Variants in UNC5B observed in about 807,000 individuals in gnomAD.
UNC5B encodes the protein unc-5 netrin receptor B.
UNC5B carries 56 observed loss-of-function variants against 103.7 expected under a neutral mutation model. The observed-to-expected ratio is 0.54, with a 90% CI of 0.44 to 0.67. UNC5B has a LOEUF of 0.67. Ranked by LOEUF, UNC5B falls within the 30% of genes least tolerant of loss-of-function variation. UNC5B has a pLI of 0.00. For missense variants in UNC5B, 1,194 were observed against 1,284.5 expected (o/e 0.93, Z 1.08); for synonymous variants, 577 against 542.0 (o/e 1.06, Z -0.90).
At chr10:71,251,618 A>T (rs547637439) in intron 1 of UNC5B, among the ~76,000 whole-genome samples, 13 of 152,252 alleles carry the variant, frequency 8.5e-5, no homozygotes, top group South Asian at 2.1e-4. Context: ...GTCTCTGGAG[A>T]TCGTTTCGCT....
At chr10:71,251,114 G>A (rs1589165975) in intron 1 of UNC5B, among the ~76,000 whole-genome samples, 2 of 152,308 alleles carry the variant, frequency 1.3e-5, no homozygotes, top group South Asian at 4.1e-4. Context: ...TTTTATTTCA[G>A]TCTTCCAAAT....
intron 1 of UNC5B, among the ~76,000 whole-genome samples, chr10:71,226,324 C>G (rs1020306555): frequency 1.3e-5 from 2 of 152,232 alleles, no homozygotes; most frequent in African/African-American, 4.8e-5. Context: ...ATCCGCTTGC[C>G]TCGGCCTCCC....
At chr10:71,271,980 C>A (rs996907220) in intron 1 of UNC5B, among the ~76,000 whole-genome samples, 1 of 152,104 alleles carries the variant, frequency 6.6e-6, no homozygotes, top group Non-Finnish European at 1.5e-5. Context: ...TCCGAGGGGG[C>A]CCCTGCCTGA....
chr10:71,282,829 T>G (rs971112967), intron 2 of UNC5B, among the ~76,000 whole-genome samples: 1 of 151,542 alleles, frequency 6.6e-6, no homozygotes, highest in Non-Finnish European at 1.5e-5. Context: ...CAGAGAGGAG[T>G]TGTGGGGCCG....
In UNC5B at chr10:71,301,517, A is replaced by G. The variant is rs1024864542; in HGVS notation, c.*2240A>G. ...CAAAGGCAGTGAGCCTTCCCTGCCAAAGTGCCCATCCCATGGGCTCGGCCT... is the reference window on the plus strand; with the variant it reads ...CAAAGGCAGTGAGCCTTCCCTGCCAGAGTGCCCATCCCATGGGCTCGGCCT... On this transcript the variant is annotated 3_prime_UTR_variant, in exon 17 of 17. Coordinates refer to ENST00000335350, the MANE Select transcript of UNC5B (RefSeq NM_170744.5). 3.3e-5 allele frequency: 5 copies of G among 152,240 alleles called. No homozygotes were observed. Among genetic ancestry groups the G allele is most frequent in the African/African-American group, 1.2e-4 (5 of 41,448 alleles). The allele number at this position is 152,240 out of a possible 1,614,324, so 9.4% of individuals were successfully genotyped here. A position where few individuals can be genotyped will look rare whatever the true frequency, so the allele number is the denominator to read the frequency against.
intron 1 of UNC5B, among the ~76,000 whole-genome samples, chr10:71,238,199 A>G (rs1231165882): frequency 6.6e-6 from 1 of 152,098 alleles, no homozygotes; most frequent in Non-Finnish European, 1.5e-5. Flanking sequence ...CAGTCTCCCT[A>G]CCATTTGGAG....
intron 1 of UNC5B, among the ~76,000 whole-genome samples, chr10:71,270,952 C>T (rs1255830361): frequency 6.6e-6 from 1 of 152,218 alleles, no homozygotes; most frequent in African/African-American, 2.4e-5. Context: ...GGGTGGGGCT[C>T]TCAGGGTGTC....
intron 1 of UNC5B, among the ~76,000 whole-genome samples, chr10:71,259,673 A>G (rs1844369956): frequency 6.6e-6 from 1 of 152,180 alleles, no homozygotes; most frequent in African/African-American, 2.4e-5. Flanking sequence ...GTTTACCATA[A>G]CGACAGCCCT....
rs370068368 is a variant in UNC5B, at chr10:71,275,865, GCAT to G, written c.80-3952_80-3950del. On this transcript the variant is annotated intron_variant, in intron 1 of 16. Transcript: ENST00000335350. ...AGTAGCTCCAGGTAGCTCAGTTTCA[GCAT>G]CATATCACTCTGTTTTCCTTTATTT... Among the ~76,000 whole-genome samples, 656 of 151,854 alleles carry G rather than the reference GCAT, an allele frequency of 4.3e-3. 3 individuals carry two copies. Among genetic ancestry groups the G allele is most frequent in the South Asian group, 0.02 (94 of 4,798 alleles).
intron 13 of UNC5B, among the ~76,000 whole-genome samples, chr10:71,294,712 G>A (rs1311930355): frequency 3.3e-5 from 5 of 152,158 alleles, no homozygotes; most frequent in East Asian, 3.9e-4. Flanking sequence ...GATGGAGAGC[G>A]GTGCCCCAAG....
At chr10:71,217,429 C>CATT (rs1458065637) in intron 1 of UNC5B, 7 of 152,230 alleles carry the variant, frequency 4.6e-5, no homozygotes, top group African/African-American at 1.7e-4. Flanking sequence ...TTTCCGCCGG[C>CATT]TCCATGCATT....
intron 1 of UNC5B, among the ~76,000 whole-genome samples, chr10:71,246,890 G>A (rs1293828176): frequency 1.3e-5 from 2 of 152,158 alleles, no homozygotes; most frequent in African/African-American, 2.4e-5. Flanking sequence ...CCGGGTTCAC[G>A]GTGCTCCCTG....
At chr10:71,233,031 T>C (rs1464615388) in intron 1 of UNC5B, among the ~76,000 whole-genome samples, 2 of 152,214 alleles carry the variant, frequency 1.3e-5, no homozygotes, top group African/African-American at 4.8e-5. Context: ...CAGGTCGCTG[T>C]CCCTCTGAAT....
intron 1 of UNC5B, among the ~76,000 whole-genome samples, chr10:71,224,463 A>G (rs894436528): frequency 1.3e-5 from 2 of 151,010 alleles, no homozygotes; most frequent in Admixed American, 6.6e-5. Context: ...GGAAAACTGG[A>G]TTCTTTTTTT....
intron 1 of UNC5B, among the ~76,000 whole-genome samples, chr10:71,255,710 A>G (rs1244292997): frequency 1.3e-5 from 2 of 152,206 alleles, no homozygotes; most frequent in East Asian, 3.9e-4. Flanking sequence ...AACTTCATTC[A>G]CAGAGGAAGC....
At chr10:71,297,845 A>G in intron 15 of UNC5B, 64 bp from the exon 16 acceptor site, 3 of 1,516,296 alleles carry the variant, frequency 2.0e-6, no homozygotes, top group Admixed American at 1.9e-5. Flanking sequence ...GTCCAAGGGG[A>G]GGGAGGCTGG....
chr10:71,267,526 G>A (rs1475954237), intron 1 of UNC5B, among the ~76,000 whole-genome samples: 1 of 152,122 alleles, frequency 6.6e-6, no homozygotes, highest in Non-Finnish European at 1.5e-5. Flanking sequence ...GGCAGACTGG[G>A]CACTGGTCTA....
Position 71,291,074 on chromosome 10 carries a change from G to T in UNC5B, c.1259G>T (p.Gly420Val), listed in dbSNP as rs959583786. Residue 420 changes from glycine (G) to valine (V), a missense_variant, in exon 9 of 17, where the codon GGT (glycine) becomes GTT (valine). Physicochemically the swap from Gly to Val is moderately radical, Grantham distance 109. Coordinates refer to ENST00000335350, the MANE Select transcript of UNC5B (RefSeq NM_170744.5). ...ITDSSAALTGGFHPVNFKTAR... is the reference protein window; with the variant it reads ...ITDSSAALTGVFHPVNFKTAR... ...GACTCATCTGCTGCCCTGACTGGTG[G>T]TTTCCACCCCGTCAACTTTAAGACG... 2.5e-6 allele frequency: 4 copies of T among 1,614,084 alleles called. No individual in the cohort carries two copies. The highest frequency in any genetic ancestry group is 3.4e-6 in the Non-Finnish European group (4 of 1,179,990).
chr10:71,278,761 G>T (rs569188062), intron 1 of UNC5B, among the ~76,000 whole-genome samples: 2 of 152,370 alleles, frequency 1.3e-5, no homozygotes, highest in Non-Finnish European at 2.9e-5. Context: ...AGCTGGAGGG[G>T]CTGGGCGGCC....
Sources: gnomAD v4.1 joint callset for allele counts (sites outside exome capture counted in the v4.1 genomes callset) on GRCh38, gnomAD v4.1.1 for gene constraint, MANE v1.5 for transcripts, NCBI Gene and HGNC (gene_info 2026-07-23, HGNC 2026-07-21) for gene names.